ERCC6L2: variants seen among roughly 807,000 people sequenced by gnomAD.
ERCC6L2 encodes the protein ERCC excision repair 6 like 2.
ERCC6L2 carries 77 observed loss-of-function variants against 132.0 expected under a neutral mutation model. The ratio of observed to expected loss-of-function variants is 0.58; its 90% CI spans 0.49 to 0.71. The LOEUF is 0.71. ERCC6L2 is among the 30% of genes least tolerant of loss of function. The pLI is 0.00. For missense variants in ERCC6L2, 1,542 were observed against 1,837.6 expected (o/e 0.84, Z 2.94); for synonymous variants, 583 against 632.4 (o/e 0.92, Z 1.17).
chr9:95,923,859 G>T (rs895775781), intron 9 of ERCC6L2, among the ~76,000 whole-genome samples: 7 of 152,158 alleles, frequency 4.6e-5, no homozygotes, highest in East Asian at 1.9e-4. Context: ...GAACTAGATC[G>T]TAAAGTTGCA....
At chr9:95,902,739 C>T (rs1037191961) in intron 3 of ERCC6L2, among the ~76,000 whole-genome samples, 1 of 152,058 alleles carries the variant, frequency 6.6e-6, no homozygotes, top group African/African-American at 2.4e-5. Context: ...TTATGACTAC[C>T]TGAGAGATTT....
chr9:95,918,961 T>C (rs1397330236), intron 6 of ERCC6L2, among the ~76,000 whole-genome samples: 1 of 152,014 alleles, frequency 6.6e-6, no homozygotes, highest in East Asian at 1.9e-4. Context: ...TCCGCCTCCC[T>C]GGGTTCAAGC....
At position 95,875,776 on chromosome 9, in the gene ERCC6L2, C is replaced by A; in HGVS notation, c.-263C>A. The A allele has an allele frequency of 3.7e-6, 2 of 546,628 alleles. No homozygotes were observed. Among genetic ancestry groups the A allele is most frequent in the Non-Finnish European group, 6.6e-6 (2 of 303,044 alleles). The allele number at this position is 546,628 out of a possible 1,614,324, so 33.9% of individuals were successfully genotyped here. A position where few individuals can be genotyped will look rare whatever the true frequency, so the allele number is the denominator to read the frequency against. ...GAGCCCGAGAGAACTAGGTGAACAC[C>A]GCTTTGCCAGCCTCACACAGCGTCC... On this transcript the variant is annotated 5_prime_UTR_variant, in exon 1 of 19. Coordinates refer to ENST00000653738, the MANE Select transcript of ERCC6L2 (RefSeq NM_020207.7).
At chr9:96,001,362 C>T (rs1363154253) in intron 17 of ERCC6L2, among the ~76,000 whole-genome samples, 24 of 152,132 alleles carry the variant, frequency 1.6e-4, no homozygotes, top group African/African-American at 5.1e-4. Context: ...TTTGTCAGGG[C>T]GCTGATTGGT....
At chr9:95,944,284 T>C (rs1830946670) in intron 12 of ERCC6L2, among the ~76,000 whole-genome samples, 1 of 152,100 alleles carries the variant, frequency 6.6e-6, no homozygotes, top group African/African-American at 2.4e-5. Flanking sequence ...AAAGGACAAA[T>C]ATTGTATGAT....
At chr9:95,880,016 C>G (rs566779832) in intron 1 of ERCC6L2, among the ~76,000 whole-genome samples, 112 of 152,150 alleles carry the variant, frequency 7.4e-4, no homozygotes, top group African/African-American at 2.7e-3. Flanking sequence ...GGACTCCCTC[C>G]TCATTCATAG....
intron 16 of ERCC6L2, among the ~76,000 whole-genome samples, chr9:95,977,481 A>T (rs1440268115): frequency 1.3e-5 from 2 of 152,328 alleles, no homozygotes; most frequent in East Asian, 3.9e-4. Flanking sequence ...AAGCAATAAA[A>T]ATTGTAGCCA....
At chr9:96,002,436 T>TTG (rs1833720495) in intron 17 of ERCC6L2, among the ~76,000 whole-genome samples, 1 of 151,416 alleles carries the variant, frequency 6.6e-6, no homozygotes, top group African/African-American at 2.4e-5. Flanking sequence ...TTTTTTTTTT[T>TTG]CCTGAGACAA....
At chr9:95,921,081 C>T (rs1829845157) in intron 6 of ERCC6L2, 94 bp from the exon 7 acceptor site, 20 of 1,252,246 alleles carry the variant, frequency 1.6e-5, no homozygotes, top group Non-Finnish European at 2.2e-5. Flanking sequence ...GGCCAGTTTT[C>T]ACTGTTATAA....
chr9:95,918,186 G>A (rs1156970969), intron 6 of ERCC6L2: 3 of 476,208 alleles, frequency 6.3e-6, no homozygotes, highest in East Asian at 5.9e-5. Flanking sequence ...CAGAGGAAAT[G>A]GAGGCAGTCA....
At chr9:95,916,938 G>C (rs1829626908) in intron 6 of ERCC6L2, among the ~76,000 whole-genome samples, 1 of 152,046 alleles carries the variant, frequency 6.6e-6, no homozygotes, top group Admixed American at 6.6e-5. Flanking sequence ...ACCTGCCTCG[G>C]TCTCCCAAAG....
chr9:96,017,257 G>T lies in ERCC6L2; in HGVS notation c.*4054G>T, dbSNP rs1834200683. On this transcript the variant is annotated 3_prime_UTR_variant, in exon 19 of 19. Transcript: ENST00000653738. Reference sequence around the variant, plus strand: ...TGGCATGTACGGCTGGCTCCACTTGGTATTTGTTGCAGGAGGGAAGAACAT... The same window carrying T: ...TGGCATGTACGGCTGGCTCCACTTGTTATTTGTTGCAGGAGGGAAGAACAT... 6.6e-6 allele frequency among the ~76,000 whole-genome samples: 1 copy of T among 152,144 alleles called. No individual in the cohort carries two copies. Among genetic ancestry groups the T allele is most frequent in the Non-Finnish European group, 1.5e-5 (1 of 68,020 alleles).
downstream of ERCC6L2, among the ~76,000 whole-genome samples, chr9:96,022,696 C>T (rs1834311680): frequency 6.6e-6 from 1 of 152,174 alleles, no homozygotes; most frequent in Non-Finnish European, 1.5e-5. Context: ...GGCAGTGGGG[C>T]ACAGGTTCAG....
Position 95,907,097 on chromosome 9 carries a change from C to A in ERCC6L2, c.614C>A (p.Pro205His). The change falls in exon 4 of 19, where the codon CCT becomes CAT. Residue 205 changes from proline to histidine, a missense_variant. Physicochemically the swap from Pro to His is moderately conservative, Grantham distance 77. Transcript: ENST00000653738. ...TAKKMFLIVA[P>H]LSVLYNWKDE... The stretch of plus-strand genomic sequence containing the variant: ...TTTTAGATGTTCTTAATAGTTGCTC[C>A]TCTTTCTGTCCTCTACAACTGGAAG... The A allele has an allele frequency of 6.2e-7, 1 of 1,601,766 alleles. No homozygotes were observed. The highest frequency in any genetic ancestry group is 1.8e-5 in the Admixed American group (1 of 56,454).
intron 11 of ERCC6L2, chr9:95,929,090 A>T (rs1469293002): frequency 3.1e-6 from 1 of 318,750 alleles, no homozygotes; most frequent in Non-Finnish European, 5.7e-6. Flanking sequence ...TATAAAGGTA[A>T]CAATAAAAAA....
At chr9:96,033,562 A>G (rs1227656637) in intron 19 of ERCC6L2, among the ~76,000 whole-genome samples, 1 of 152,188 alleles carries the variant, frequency 6.6e-6, no homozygotes, top group African/African-American at 2.4e-5. Flanking sequence ...TGAATCTTAA[A>G]TTCTACATTG....
chr9:96,021,551 C>A (rs903731480), downstream of ERCC6L2: 1 of 169,384 alleles, frequency 5.9e-6, no homozygotes, highest in Non-Finnish European at 1.3e-5. This position sits in a 1 kb window ranked among gnomAD's most constrained non-coding sequence, Gnocchi z 4.7. Context: ...GGGACCCGGG[C>A]TGGCGATGGG....
chr9:95,924,908 A>G (rs1006472725), intron 9 of ERCC6L2, among the ~76,000 whole-genome samples: 47 of 152,166 alleles, frequency 3.1e-4, no homozygotes, highest in African/African-American at 1.1e-3. Flanking sequence ...ATGGATAGTA[A>G]TAAGCTAGGG....
At chr9:96,031,303 T>A (rs940952597) in intron 19 of ERCC6L2, among the ~76,000 whole-genome samples, 1 of 152,120 alleles carries the variant, frequency 6.6e-6, no homozygotes, top group Non-Finnish European at 1.5e-5. Flanking sequence ...TCTTTGGGCT[T>A]GGGGGTTGTT....
Sources: gnomAD v4.1 joint callset for allele counts (sites outside exome capture counted in the v4.1 genomes callset) on GRCh38, gnomAD v4.1.1 for gene constraint, Gnocchi (gnomAD v3.1) non-coding constraint, MANE v1.5 for transcripts, NCBI Gene and HGNC (gene_info 2026-07-23, HGNC 2026-07-21) for gene names.